Variants in EFNA5 observed in about 807,000 individuals in gnomAD.
EFNA5 encodes the protein ephrin-A5.
Under a neutral mutation model 22.9 loss-of-function variants are expected in EFNA5, and 5 were observed. The ratio of observed to expected loss-of-function variants is 0.22; its 90% CI spans 0.11 to 0.46. The LOEUF (loss-of-function observed/expected upper bound fraction) is 0.46, where lower values mean the gene tolerates loss of function less well. EFNA5 is among the 20% of genes least tolerant of loss of function. EFNA5 has a pLI of 0.99. For missense variants in EFNA5, 237 were observed against 293.3 expected (o/e 0.81, Z 1.40); for synonymous variants, 113 against 112.2 (o/e 1.01, Z -0.04).
In EFNA5 at chr5:107,427,487, T is replaced by G; in HGVS notation, c.148A>C (p.Ile50Leu). 1 of 1,610,372 alleles carries G rather than the reference T, an allele frequency of 6.2e-7. No individual in the cohort carries two copies. Among genetic ancestry groups the G allele is most frequent in the Non-Finnish European group, 8.5e-7 (1 of 1,178,054 alleles). Residue 50 changes from isoleucine (I) to leucine (L), a missense_variant, in exon 2 of 5, where the codon ATT becomes CTT. Coordinates refer to ENST00000333274, the MANE Select transcript of EFNA5 (RefSeq NM_001962.3). ...AGGTAGTCATTGATACAGACATCAA[T>G]ATGGTAGTCACCCCTCTGGAATCTG... ...NPRFQRGDYH[I>L]DVCINDYLDV... is the part of the protein sequence containing the mutation.
chr5:107,452,300 C>T lies in EFNA5; in HGVS notation c.126-24791G>A, dbSNP rs115583791. Among the ~76,000 whole-genome samples the T allele has an allele frequency of 2.0e-3, 305 of 152,080 alleles. 1 individual carries two copies. Among genetic ancestry groups the T allele is most frequent in the African/African-American group, 6.7e-3 (277 of 41,480 alleles). On this transcript the variant is annotated intron_variant, in intron 1 of 4. Transcript: ENST00000333274. ...GGCACACGTATACCTATGTGACAAA[C>T]CTGTACGTTCCGCACAAGTATCCCG...
intron 1 of EFNA5, among the ~76,000 whole-genome samples, chr5:107,567,132 G>A (rs941007893): frequency 1.3e-5 from 2 of 152,182 alleles, no homozygotes; most frequent in African/African-American, 4.8e-5. Flanking sequence ...TGTCCTATGT[G>A]TATGTAGCAC....
chr5:107,397,480 G>C (rs777820975), intron 2 of EFNA5, among the ~76,000 whole-genome samples: 3 of 151,560 alleles, frequency 2.0e-5, no homozygotes, highest in Non-Finnish European at 4.4e-5. Flanking sequence ...CCTGGGAGGC[G>C]AAGGTTGCAG....
intron 2 of EFNA5, among the ~76,000 whole-genome samples, chr5:107,404,742 C>T (rs1748165219): frequency 1.3e-5 from 2 of 152,142 alleles, no homozygotes; most frequent in Admixed American, 1.3e-4. Context: ...TTCTTCCTGA[C>T]TACCCTACTT....
intron 1 of EFNA5, among the ~76,000 whole-genome samples, chr5:107,559,576 AT>A (rs1184868156): frequency 6.6e-6 from 1 of 152,188 alleles, no homozygotes; most frequent in East Asian, 1.9e-4. Flanking sequence ...ACCCAACTAC[AT>A]CTGTTTATGT....
intron 1 of EFNA5, among the ~76,000 whole-genome samples, chr5:107,543,677 T>A (rs1326836223): frequency 6.6e-6 from 1 of 151,822 alleles, no homozygotes; most frequent in African/African-American, 2.4e-5. Flanking sequence ...GGGCTGCTGC[T>A]CACAAAGTGG....
intron 1 of EFNA5, among the ~76,000 whole-genome samples, chr5:107,471,183 C>A (rs1750131493): frequency 6.6e-6 from 1 of 152,144 alleles, no homozygotes; most frequent in African/African-American, 2.4e-5. Context: ...TCGCACTCCC[C>A]ATATTTTGGT....
At chr5:107,635,876 G>A (rs1310970436) in intron 1 of EFNA5, among the ~76,000 whole-genome samples, 1 of 152,210 alleles carries the variant, frequency 6.6e-6, no homozygotes, top group African/African-American at 2.4e-5. Flanking sequence ...ACAAGGTCAT[G>A]CTAGTTCACC....
intron 1 of EFNA5, among the ~76,000 whole-genome samples, chr5:107,458,971 T>G (rs1235283975): frequency 2.0e-5 from 3 of 152,200 alleles, no homozygotes; most frequent in Non-Finnish European, 4.4e-5. Context: ...GGCACAAATT[T>G]TGATTTTTGT....
At chr5:107,573,766 T>C (rs531300098) in intron 1 of EFNA5, among the ~76,000 whole-genome samples, 1 of 152,274 alleles carries the variant, frequency 6.6e-6, no homozygotes, top group East Asian at 1.9e-4. Flanking sequence ...TGTGGGTCTA[T>C]TTTTATTTAT....
intron 4 of EFNA5, 57 bp from the exon 5 acceptor site, chr5:107,381,433 T>C: frequency 6.5e-7 from 1 of 1,548,420 alleles, no homozygotes; most frequent in South Asian, 1.2e-5. Context: ...ATAACTCTCT[T>C]GCAGCAGCCT....
chr5:107,581,987 A>T (rs571080770), intron 1 of EFNA5, among the ~76,000 whole-genome samples: 1 of 152,338 alleles, frequency 6.6e-6, no homozygotes, highest in African/African-American at 2.4e-5. Context: ...ATCTCTACAA[A>T]GAAAGGGAGA....
intron 1 of EFNA5, among the ~76,000 whole-genome samples, chr5:107,521,284 CTTATTTA>C (rs1288957602): frequency 6.6e-6 from 1 of 151,462 alleles, no homozygotes; most frequent in Non-Finnish European, 1.5e-5. Flanking sequence ...TATGTATTTA[CTTATTTA>C]TTTATTTATT....
At chr5:107,540,197 A>T (rs1748016467) in intron 1 of EFNA5, among the ~76,000 whole-genome samples, 1 of 152,176 alleles carries the variant, frequency 6.6e-6, no homozygotes, top group South Asian at 2.1e-4. Flanking sequence ...AAAGGGCATA[A>T]CATTCTCAAG....
intron 1 of EFNA5, among the ~76,000 whole-genome samples, chr5:107,474,576 C>T (rs759335191): frequency 2.6e-5 from 4 of 152,004 alleles, no homozygotes; most frequent in South Asian, 2.1e-4. Context: ...CTTTGCATTA[C>T]GAACGAGGAA....
At chr5:107,448,418 T>C (rs1238660557) in intron 1 of EFNA5, among the ~76,000 whole-genome samples, 1 of 152,204 alleles carries the variant, frequency 6.6e-6, no homozygotes, top group African/African-American at 2.4e-5. Context: ...AGGCTTCACT[T>C]CAGCTTCTTA....
At chr5:107,404,464 T>C (rs956976570) in intron 2 of EFNA5, among the ~76,000 whole-genome samples, 3 of 152,196 alleles carry the variant, frequency 2.0e-5, no homozygotes, top group African/African-American at 7.2e-5. Flanking sequence ...GGATGTACAA[T>C]ACTATTAATA....
intron 2 of EFNA5, among the ~76,000 whole-genome samples, chr5:107,419,451 A>G (rs1748597435): frequency 6.6e-6 from 1 of 152,244 alleles, no homozygotes; most frequent in East Asian, 1.9e-4. Context: ...CTTAAAAAAT[A>G]TGCTGGCTTT....
At chr5:107,607,734 A>T (rs992440197) in intron 1 of EFNA5, among the ~76,000 whole-genome samples, 2 of 152,138 alleles carry the variant, frequency 1.3e-5, no homozygotes, top group African/African-American at 2.4e-5. Context: ...GAGAGGAAGG[A>T]GGGAGTGTAT....
Sources: allele counts gnomAD v4.1 joint callset (sites outside exome capture counted in the v4.1 genomes callset), GRCh38; gene constraint gnomAD v4.1.1; transcripts MANE v1.5; gene names NCBI Gene and HGNC (gene_info 2026-07-23, HGNC 2026-07-21).